CNIH3: variants seen among roughly 807,000 people sequenced by gnomAD.
CNIH3 encodes the protein cornichon family AMPA receptor auxiliary protein 3.
Under a neutral mutation model 24.1 loss-of-function variants are expected in CNIH3, and 14 were observed. That is an observed-to-expected ratio of 0.58 (90% confidence interval 0.38 to 0.91). CNIH3 has a LOEUF of 0.91. Ranked by LOEUF, CNIH3 falls within the 40% of genes least tolerant of loss-of-function variation. The pLI, the probability that CNIH3 is intolerant of heterozygous loss-of-function variation, is 0.00. For synonymous variants in CNIH3, 68 were observed against 73.8 expected (o/e 0.92, Z 0.40); for missense variants, 178 against 196.8 (o/e 0.90, Z 0.57).
chr1:224,731,961 G>T (rs775905875), intron 4 of CNIH3, among the ~76,000 whole-genome samples: 3 of 152,226 alleles, frequency 2.0e-5, no homozygotes, highest in Admixed American at 6.5e-5. Flanking sequence ...GGCCTGAAAT[G>T]ATTTGATGGG....
At chr1:224,594,586 C>G (rs1351692324) in intron 3 of CNIH3, among the ~76,000 whole-genome samples, 1 of 152,016 alleles carries the variant, frequency 6.6e-6, no homozygotes, top group Non-Finnish European at 1.5e-5. Context: ...GCAGAAAGGG[C>G]CAGAGTGAGG....
rs149648915 is a variant in CNIH3 at position 224,554,143 on chromosome 1, C to A, written n.450+7204C>A. On this transcript the variant is annotated intron_variant and non_coding_transcript_variant, in intron 3 of 5. Coordinates refer to the CNIH3 transcript ENST00000471578. The stretch of plus-strand genomic sequence containing the variant: ...AGATTTCTATTAATAGCTCTATCTG[C>A]TCAGCTCCTGTCTGGCGCTTGACCC... 1.7e-4 allele frequency among the ~76,000 whole-genome samples: 26 copies of A among 152,312 alleles called. 1 individual carries two copies. The East Asian group carries it at 3.7e-3, about 22-fold the overall frequency.
chr1:224,673,565 G>T (rs879779820), intron 1 of CNIH3, among the ~76,000 whole-genome samples: 1 of 152,116 alleles, frequency 6.6e-6, no homozygotes, highest in Non-Finnish European at 1.5e-5. Context: ...AAGATACCTC[G>T]TCAGAGAGGC....
rs79479346 is a variant in CNIH3 at position 224,533,845 on chromosome 1, C to T, written n.344-3091C>T. ...CCAAATAAGGTCACTTTCACAGGTA[C>T]TGAGGGTTAAAACTTGAACATAGGC... On this transcript the variant is annotated intron_variant and non_coding_transcript_variant, in intron 2 of 2. Transcript: ENST00000470602. Among the ~76,000 whole-genome samples the T allele has an allele frequency of 4.7e-3, 709 of 152,286 alleles. 5 individuals are homozygous for T. Among genetic ancestry groups the T allele is most frequent in the Admixed American group, 8.2e-3 (125 of 15,292 alleles).
At chr1:224,574,867 C>A in intron 4 of CNIH3, 2 of 985,336 alleles carry the variant, frequency 2.0e-6, no homozygotes, top group Non-Finnish European at 3.3e-6. Context: ...GACACATGGG[C>A]GGGCATGGAA....
intron 2 of CNIH3, among the ~76,000 whole-genome samples, chr1:224,525,878 G>A (rs1253498277): frequency 1.3e-5 from 2 of 152,162 alleles, no homozygotes; most frequent in African/African-American, 4.8e-5. Flanking sequence ...AGGAGACAGA[G>A]ATGCTCTAAG....
chr1:224,630,293 C>T (rs1683755431), intron 1 of CNIH3, among the ~76,000 whole-genome samples: 1 of 152,160 alleles, frequency 6.6e-6, no homozygotes, highest in Non-Finnish European at 1.5e-5. Flanking sequence ...GGCGGCCTTA[C>T]CTGTGCTGCA....
At chr1:224,609,101 A>C (rs1029178086) in intron 3 of CNIH3, among the ~76,000 whole-genome samples, 1 of 152,160 alleles carries the variant, frequency 6.6e-6, no homozygotes, top group African/African-American at 2.4e-5. Flanking sequence ...GTTGCCTGGC[A>C]TGCCTGTTGT....
chr1:224,614,661 T>C (rs1682857676), upstream of CNIH3, among the ~76,000 whole-genome samples: 1 of 151,094 alleles, frequency 6.6e-6, no homozygotes, highest in African/African-American at 2.4e-5. Context: ...ATAAAATAAA[T>C]TGAAGGGCCT....
At chr1:224,541,552 T>C (rs374272917), downstream of CNIH3, among the ~76,000 whole-genome samples, 32 of 152,330 alleles carry the variant, frequency 2.1e-4, no homozygotes, top group African/African-American at 7.5e-4. Context: ...GTGGTTACCC[T>C]GAGCTGAGTC....
chr1:224,642,128 G>C (rs1022530717), intron 1 of CNIH3, among the ~76,000 whole-genome samples: 5 of 152,160 alleles, frequency 3.3e-5, no homozygotes, highest in Admixed American at 3.3e-4. Flanking sequence ...TGAAGGATGG[G>C]TACCACCATA....
intron 3 of CNIH3, among the ~76,000 whole-genome samples, chr1:224,553,052 G>T (rs1372430113): frequency 6.8e-6 from 1 of 147,938 alleles, no homozygotes; most frequent in Non-Finnish European, 1.5e-5. Context: ...ATATCATAGG[G>T]TGTATACACA....
chr1:224,579,480 A>T (rs1398930786), intron 4 of CNIH3, among the ~76,000 whole-genome samples: 3 of 152,196 alleles, frequency 2.0e-5, no homozygotes, highest in Non-Finnish European at 4.4e-5. Context: ...TTGGGATCTG[A>T]TTCTGCAAGG....
chr1:224,617,091 C>G lies in CNIH3; in HGVS notation c.-84C>G. 1 of 1,570,174 alleles carries G rather than the reference C, an allele frequency of 6.4e-7. No homozygotes were observed. On this transcript the variant is annotated 5_prime_UTR_variant, in exon 1 of 6. Transcript: ENST00000272133. ...GGAGAGGAGCGTGCAGACGCGGCTCCTTGGAGGGAGTGCGGTCCTCTAGGG... is the reference window on the plus strand; with the variant it reads ...GGAGAGGAGCGTGCAGACGCGGCTCGTTGGAGGGAGTGCGGTCCTCTAGGG...
intron 1 of CNIH3, among the ~76,000 whole-genome samples, chr1:224,468,495 GTTGA>G (rs2102993228): frequency 6.6e-6 from 1 of 152,238 alleles, no homozygotes; most frequent in Non-Finnish European, 1.5e-5. Context: ...ATTTTTGTGT[GTTGA>G]TTCTGTGTCC....
At chr1:224,655,379 C>T (rs561120379) in intron 1 of CNIH3, among the ~76,000 whole-genome samples, 9 of 152,122 alleles carry the variant, frequency 5.9e-5, no homozygotes, top group African/African-American at 1.4e-4. Flanking sequence ...CTGCCAGGGC[C>T]GTGGGCAGGG....
Position 224,626,518 on chromosome 1 carries a change from G to A in CNIH3, c.81+9263G>A, listed in dbSNP as rs1683533496. 2.0e-5 allele frequency among the ~76,000 whole-genome samples: 3 copies of A among 152,288 alleles called. No individual in the cohort carries two copies. In the South Asian group the frequency reaches 6.2e-4, roughly 32 times the overall value. Reference sequence around the variant, plus strand: ...AACTAAAAAATATATCTAAAGATTAGGCTGATAGACTGTAATGGGGCCACC... The same window carrying A: ...AACTAAAAAATATATCTAAAGATTAAGCTGATAGACTGTAATGGGGCCACC... On this transcript the variant is annotated intron_variant, in intron 1 of 5. Coordinates refer to ENST00000272133, the MANE Select transcript of CNIH3 (RefSeq NM_152495.2).
intron 1 of CNIH3, among the ~76,000 whole-genome samples, chr1:224,438,318 A>G (rs1218066954): frequency 9.2e-5 from 14 of 151,892 alleles, no homozygotes; most frequent in Admixed American, 9.2e-4. Flanking sequence ...TTGGCCTCCC[A>G]AAGTGTTAGG....
chr1:224,600,631 T>G (rs539754342), intron 3 of CNIH3, among the ~76,000 whole-genome samples: 3 of 152,312 alleles, frequency 2.0e-5, no homozygotes, highest in Non-Finnish European at 4.4e-5. Context: ...GACCTCAGCT[T>G]CCTGAATAGC....
Sources: allele counts gnomAD v4.1 joint callset (sites outside exome capture counted in the v4.1 genomes callset), GRCh38; gene constraint gnomAD v4.1.1; transcripts MANE v1.5; gene names NCBI Gene and HGNC (gene_info 2026-07-23, HGNC 2026-07-21).